Variants in GPR176 observed in about 807,000 individuals in gnomAD.
The protein encoded by GPR176 is G protein-coupled receptor 176.
In GPR176, 26 loss-of-function variants were observed where a neutral mutation model predicts 35.4. That is an observed-to-expected ratio of 0.74 (90% CI 0.54 to 1.02). The LOEUF (loss-of-function observed/expected upper bound fraction) is 1.02. GPR176 is among the 50% of genes least tolerant of loss of function. The pLI is 0.00. For missense variants in GPR176, 597 were observed against 665.3 expected (o/e 0.90, Z 1.13); for synonymous variants, 278 against 271.3 (o/e 1.02, Z -0.24).
At chr15:39,869,609 C>G (rs1377822643) in intron 1 of GPR176, among the ~76,000 whole-genome samples, 1 of 152,172 alleles carries the variant, frequency 6.6e-6, no homozygotes, top group African/African-American at 2.4e-5. Flanking sequence ...TTCATTTCCT[C>G]ACATTTTGTT....
At chr15:39,867,278 G>A (rs1279883893) in intron 1 of GPR176, among the ~76,000 whole-genome samples, 1 of 152,206 alleles carries the variant, frequency 6.6e-6, no homozygotes, top group Non-Finnish European at 1.5e-5. Flanking sequence ...CCACCATGAT[G>A]CTGTGTCCAG....
chr15:39,915,993 T>C (rs888239335), intron 1 of GPR176, among the ~76,000 whole-genome samples: 12 of 152,256 alleles, frequency 7.9e-5, no homozygotes, highest in African/African-American at 2.7e-4. Flanking sequence ...AAATCTCTTA[T>C]ACCTCTGATG....
chr15:39,907,714 A>T (rs942812687), intron 1 of GPR176, among the ~76,000 whole-genome samples: 32 of 152,222 alleles, frequency 2.1e-4, no homozygotes, highest in African/African-American at 7.7e-4. Flanking sequence ...GCTACATCGA[A>T]CAGTGCCAAT....
intron 1 of GPR176, among the ~76,000 whole-genome samples, chr15:39,812,052 CT>C (rs1389820180): frequency 1.2e-4 from 18 of 152,068 alleles, no homozygotes; most frequent in African/African-American, 4.3e-4. Flanking sequence ...ACTTCTTTTA[CT>C]TTTTTTCGTG....
intron 1 of GPR176, among the ~76,000 whole-genome samples, chr15:39,835,825 G>T (rs527734522): frequency 1.3e-5 from 2 of 152,322 alleles, no homozygotes; most frequent in South Asian, 4.1e-4. Flanking sequence ...CTGACATGGT[G>T]GCTCATGCCT....
At chr15:39,822,819 C>G (rs1022415926) in intron 1 of GPR176, among the ~76,000 whole-genome samples, 6 of 152,100 alleles carry the variant, frequency 3.9e-5, no homozygotes, top group African/African-American at 1.4e-4. Flanking sequence ...ACTGTCCAAC[C>G]GTGATTTTTC....
intron 1 of GPR176, among the ~76,000 whole-genome samples, chr15:39,890,599 TTG>T (rs139357479): frequency 0.034 from 5,131 of 152,370 alleles, 133 homozygotes; most frequent in Non-Finnish European, 0.055. Flanking sequence ...TTAAACAGGT[TTG>T]TGGCATTTAT....
intron 1 of GPR176, among the ~76,000 whole-genome samples, chr15:39,835,768 CT>C (rs1901362121): frequency 6.6e-6 from 1 of 152,146 alleles, no homozygotes; most frequent in South Asian, 2.1e-4. Flanking sequence ...TGGAGCCTGT[CT>C]TTATTCTGGA....
At chr15:39,902,555 C>G (rs2033310395) in intron 1 of GPR176, among the ~76,000 whole-genome samples, 1 of 152,150 alleles carries the variant, frequency 6.6e-6, no homozygotes, top group South Asian at 2.1e-4. Flanking sequence ...GAGCAGGCCA[C>G]AGAAACAACA....
intron 1 of GPR176, among the ~76,000 whole-genome samples, chr15:39,821,365 A>G (rs543133829): frequency 3.9e-5 from 6 of 152,314 alleles, no homozygotes; most frequent in African/African-American, 1.4e-4. Flanking sequence ...AGTGCAATCA[A>G]TGTCACTGAC....
chr15:39,803,909 G>A (rs1447695242), intron 2 of GPR176, among the ~76,000 whole-genome samples: 2 of 152,160 alleles, frequency 1.3e-5, no homozygotes, highest in African/African-American at 4.8e-5. Flanking sequence ...GAAGGAGGGA[G>A]CATGGTAAGA....
At chr15:39,875,336 T>G (rs1221643857) in intron 1 of GPR176, among the ~76,000 whole-genome samples, 1 of 152,214 alleles carries the variant, frequency 6.6e-6, no homozygotes, top group African/African-American at 2.4e-5. Context: ...AAATTGGAAT[T>G]TCTATTGTTT....
At chr15:39,861,260 C>G (rs2031569066) in intron 1 of GPR176, among the ~76,000 whole-genome samples, 1 of 151,994 alleles carries the variant, frequency 6.6e-6, no homozygotes, top group Admixed American at 6.6e-5. Context: ...AATTATAAAA[C>G]TATAGTTTAG....
rs1009037936 is a variant in GPR176 at position 39,799,754 on chromosome 15, G to C, written c.*1378C>G. On this transcript the variant is annotated 3_prime_UTR_variant, in exon 3 of 3. Transcript: ENST00000561100. ...CGCTTGGTTTGTCCTCACTAACAGG[G>C]AAGTATTATCTGCGGTTCTAATTCA... 7 of 152,286 alleles carry C rather than the reference G, an allele frequency of 4.6e-5. No homozygotes were observed. Among genetic ancestry groups the C allele is most frequent in the East Asian group, 1.9e-4 (1 of 5,196 alleles). 9.4% of individuals were successfully genotyped at this position (152,286 alleles called of 1,614,324 possible).
intron 1 of GPR176, among the ~76,000 whole-genome samples, chr15:39,821,148 A>G (rs1166927201): frequency 6.6e-6 from 1 of 152,218 alleles, no homozygotes; most frequent in Non-Finnish European, 1.5e-5. Context: ...GATTTGAATA[A>G]CATTGAGTTA....
intron 1 of GPR176, among the ~76,000 whole-genome samples, chr15:39,917,275 C>T (rs140310225): frequency 0.024 from 3,586 of 149,270 alleles, 79 homozygotes; most frequent in African/African-American, 0.054. Context: ...GCAACAAGAG[C>T]GAAACTCCGT....
chr15:39,863,841 C>T (rs1301483690), intron 1 of GPR176, among the ~76,000 whole-genome samples: 1 of 152,140 alleles, frequency 6.6e-6, no homozygotes, highest in East Asian at 1.9e-4. Flanking sequence ...TTTTTAAGTA[C>T]ACTCTATGGT....
chr15:39,859,432 GAATTGCAAATTAA>G (rs1212093582), intron 1 of GPR176, among the ~76,000 whole-genome samples: 1 of 148,446 alleles, frequency 6.7e-6, no homozygotes, highest in Non-Finnish European at 1.5e-5. Context: ...AATCATCAGA[GAATTGCAAATTAA>G]AACCATAATG....
chr15:39,879,719 C>G (rs573399826), intron 1 of GPR176, among the ~76,000 whole-genome samples: 5 of 152,298 alleles, frequency 3.3e-5, no homozygotes, highest in Admixed American at 3.3e-4. Flanking sequence ...CTGGGCACCC[C>G]ACCTCGAAGT....
Sources: allele counts gnomAD v4.1 joint callset (sites outside exome capture counted in the v4.1 genomes callset), GRCh38; gene constraint gnomAD v4.1.1; transcripts MANE v1.5; gene names NCBI Gene and HGNC (gene_info 2026-07-23, HGNC 2026-07-21).